The following LRMDA variants were observed in gnomAD, a reference collection of about 807,000 sequenced individuals.
LRMDA encodes leucine rich melanocyte differentiation associated, also known as leucine-rich melanocyte differentiation-associated protein.
Under a neutral mutation model 29.8 loss-of-function variants are expected in LRMDA, and 18 were observed. The observed-to-expected ratio is 0.60, with a 90% CI of 0.42 to 0.90. LRMDA has a LOEUF of 0.90. Among genes scored for constraint, LRMDA ranks in the 40% least tolerant of loss-of-function variants. The probability of loss-of-function intolerance (pLI) is 0.00; values close to 1 mark genes in which losing one functional copy is unlikely to be tolerated. For missense variants in LRMDA, 273 were observed against 273.9 expected (o/e 1.00, Z 0.02); for synonymous variants, 125 against 109.4 (o/e 1.14, Z -0.89).
intron 5 of LRMDA, among the ~76,000 whole-genome samples, chr10:76,210,069 C>T (rs114683493): frequency 2.0e-3 from 302 of 152,206 alleles, no homozygotes; most frequent in African/African-American, 6.9e-3. Flanking sequence ...CCATCCGCAC[C>T]GGGAATGAGA....
intron 2 of LRMDA, among the ~76,000 whole-genome samples, chr10:75,858,398 C>T (rs906651565): frequency 1.3e-5 from 2 of 152,192 alleles, no homozygotes; most frequent in African/African-American, 4.8e-5. Context: ...TCCCCCTCTC[C>T]ACTAATTATC....
At chr10:76,261,751 C>T (rs531062548) in intron 5 of LRMDA, among the ~76,000 whole-genome samples, 3 of 152,152 alleles carry the variant, frequency 2.0e-5, no homozygotes, top group South Asian at 2.1e-4. Flanking sequence ...CATGTGCAAA[C>T]ATTTTTATAT....
chr10:76,518,324 T>TATCTATCTATCG (rs1291956521), intron 6 of LRMDA, among the ~76,000 whole-genome samples: 2 of 147,786 alleles, frequency 1.4e-5, no homozygotes, highest in East Asian at 4.0e-4. Context: ...TCTATCTATC[T>TATCTATCTATCG]ATCATCTCTA....
intron 5 of LRMDA, among the ~76,000 whole-genome samples, chr10:76,299,817 A>G (rs1840458269): frequency 6.6e-6 from 1 of 152,238 alleles, no homozygotes; most frequent in African/African-American, 2.4e-5. Flanking sequence ...CTCTAGAAAG[A>G]TGTCCGTCTT....
intron 6 of LRMDA, among the ~76,000 whole-genome samples, chr10:76,491,522 G>A (rs989301592): frequency 1.3e-5 from 2 of 151,954 alleles, no homozygotes; most frequent in African/African-American, 4.8e-5. Context: ...ACCTGTAAAG[G>A]TTTCCTCTGA....
chr10:76,527,003 A>C (rs1843182607), intron 6 of LRMDA, among the ~76,000 whole-genome samples: 1 of 147,334 alleles, frequency 6.8e-6, no homozygotes, highest in East Asian at 2.0e-4. Flanking sequence ...TAAATAAATA[A>C]ATAAATAAAT....
At chr10:76,150,529 A>G (rs1262707043) in intron 5 of LRMDA, among the ~76,000 whole-genome samples, 1 of 152,238 alleles carries the variant, frequency 6.6e-6, no homozygotes, top group Non-Finnish European at 1.5e-5. Flanking sequence ...CAGAATGTTA[A>G]TAAAACACTA....
chr10:75,757,827 T>C (rs1369366219), intron 2 of LRMDA, among the ~76,000 whole-genome samples: 1 of 139,304 alleles, frequency 7.2e-6, no homozygotes, highest in Non-Finnish European at 1.5e-5. Flanking sequence ...TAAGATGGAG[T>C]CGCACTCTGT....
intron 2 of LRMDA, among the ~76,000 whole-genome samples, chr10:75,738,101 A>C (rs1327206692): frequency 6.6e-6 from 1 of 152,204 alleles, no homozygotes; most frequent in Non-Finnish European, 1.5e-5. Flanking sequence ...AGATTCATCA[A>C]ACGCAGCCCC....
chr10:76,493,405 TC>T (rs1842852706), intron 6 of LRMDA, among the ~76,000 whole-genome samples: 1 of 152,014 alleles, frequency 6.6e-6, no homozygotes, highest in South Asian at 2.1e-4. Flanking sequence ...GGCAATGGGT[TC>T]CCACTCTGGC....
chr10:75,921,011 C>G (rs1307440412), intron 2 of LRMDA, among the ~76,000 whole-genome samples: 1 of 152,132 alleles, frequency 6.6e-6, no homozygotes, highest in Non-Finnish European at 1.5e-5. Context: ...AACTTTAAAA[C>G]CAATCAAATT....
chr10:76,380,091 A>C (rs954880333), intron 6 of LRMDA, among the ~76,000 whole-genome samples: 2 of 152,156 alleles, frequency 1.3e-5, no homozygotes, highest in Non-Finnish European at 2.9e-5. Context: ...TATGAATTTG[A>C]GTTTTTAAAA....
intron 6 of LRMDA, among the ~76,000 whole-genome samples, chr10:76,457,737 A>G (rs2132305367): frequency 1.3e-5 from 2 of 152,342 alleles, no homozygotes; most frequent in Middle Eastern, 6.8e-3. Context: ...TATAGAAACA[A>G]CAAGGTTACG....
chr10:75,774,306 G>A (rs1347544384), intron 2 of LRMDA, among the ~76,000 whole-genome samples: 1 of 151,986 alleles, frequency 6.6e-6, no homozygotes, highest in Non-Finnish European at 1.5e-5. Flanking sequence ...GCTTCAAAGG[G>A]TATAATTTTG....
intron 6 of LRMDA, among the ~76,000 whole-genome samples, chr10:76,331,186 G>A (rs1314925278): frequency 6.6e-6 from 1 of 152,172 alleles, no homozygotes; most frequent in Admixed American, 6.5e-5. Flanking sequence ...CAGGAGAATT[G>A]CTTGAACCCA....
At chr10:75,614,347 G>A (rs1030220583) in intron 2 of LRMDA, among the ~76,000 whole-genome samples, 1 of 152,136 alleles carries the variant, frequency 6.6e-6, no homozygotes, top group Non-Finnish European at 1.5e-5. Flanking sequence ...GAGACTGACG[G>A]GAAGGGATGA....
At chr10:75,846,992 A>G (rs1844650181) in intron 2 of LRMDA, among the ~76,000 whole-genome samples, 1 of 152,206 alleles carries the variant, frequency 6.6e-6, no homozygotes. Flanking sequence ...TTTTGCAGAA[A>G]TAGAAAAAGC....
intron 3 of LRMDA, among the ~76,000 whole-genome samples, chr10:76,036,363 T>C (rs1447153279): frequency 6.6e-6 from 1 of 152,278 alleles, no homozygotes; most frequent in East Asian, 1.9e-4. Flanking sequence ...CACCATTATA[T>C]CTTCCTGTTG....
intron 2 of LRMDA, among the ~76,000 whole-genome samples, chr10:76,026,544 T>C (rs756883958): frequency 1.3e-5 from 2 of 152,232 alleles, no homozygotes; most frequent in African/African-American, 2.4e-5. Context: ...GTTTACTTTC[T>C]ATAAGAGGTC....
Sources: allele counts gnomAD v4.1 joint callset (sites outside exome capture counted in the v4.1 genomes callset), GRCh38; gene constraint gnomAD v4.1.1; transcripts MANE v1.5; gene names NCBI Gene and HGNC (gene_info 2026-07-23, HGNC 2026-07-21).